HCN1: variants seen among roughly 807,000 people sequenced by gnomAD.
HCN1 encodes hyperpolarization activated cyclic nucleotide gated potassium channel 1.
Under a neutral mutation model 78.9 loss-of-function variants are expected in HCN1, and 13 were observed. The ratio of observed to expected loss-of-function variants is 0.16; its 90% CI spans 0.11 to 0.26. The LOEUF is 0.26. Among genes scored for constraint, HCN1 ranks in the 10% least tolerant of loss-of-function variants. HCN1 has a pLI of 1.00. For synonymous variants in HCN1, 552 were observed against 455.5 expected (o/e 1.21, Z -2.70); for missense variants, 810 against 1,154.3 (o/e 0.70, Z 4.32).
In HCN1 at chr5:45,372,152, AAT is replaced by A. The variant is rs1350226104; in HGVS notation, c.1231-18908_1231-18907del. 6.8e-5 allele frequency among the ~76,000 whole-genome samples: 4 copies of A among 58,512 alleles called. No homozygotes were observed. The East Asian group carries it at 2.2e-3, about 33-fold the overall frequency. The allele number at this position is 58,512 out of a possible 152,430, so 38.4% of individuals were successfully genotyped here. On this transcript the variant is annotated intron_variant, in intron 4 of 7. Transcript: ENST00000303230. ...TATATAATATAATAATATATTATAT[AAT>A]ATGTTATTATATATAATTATATTAT...
intron 5 of HCN1, among the ~76,000 whole-genome samples, chr5:45,308,181 C>T (rs1211349417): frequency 6.6e-6 from 1 of 152,056 alleles, no homozygotes; most frequent in Non-Finnish European, 1.5e-5. Context: ...GACATGCAGG[C>T]TCCCCTTCCC....
chr5:45,693,262 AT>A lies in HCN1; in HGVS notation c.425+2406del, dbSNP rs1412431091. 6.6e-5 allele frequency among the ~76,000 whole-genome samples: 10 copies of A among 152,362 alleles called. No homozygotes were observed. In the East Asian group the frequency reaches 1.4e-3, roughly 21 times the overall value. On this transcript the variant is annotated intron_variant, in intron 1 of 7. Transcript: ENST00000303230. The stretch of plus-strand genomic sequence containing the variant: ...ATTGGTTTTGAGATCATACAAAAAA[AT>A]GAAACAATAAGATGTAAATATATTC...
At chr5:45,396,798 A>G in intron 3 of HCN1, 88 bp from the exon 4 acceptor site, 1 of 960,710 alleles carries the variant, frequency 1.0e-6, no homozygotes, top group Non-Finnish European at 1.7e-6. Flanking sequence ...AAGCATTATA[A>G]AATACTGAAT....
chr5:45,364,483 C>T (rs1201456777), intron 4 of HCN1, among the ~76,000 whole-genome samples: 1 of 152,040 alleles, frequency 6.6e-6, no homozygotes, highest in Non-Finnish European at 1.5e-5. Context: ...GACTCGTAAG[C>T]CTGTCTTCCC....
At chr5:45,366,126 A>G (rs2111997826) in intron 4 of HCN1, among the ~76,000 whole-genome samples, 1 of 151,550 alleles carries the variant, frequency 6.6e-6, no homozygotes, top group African/African-American at 2.4e-5. Context: ...AAATATTTTG[A>G]AAATGTGGGT....
At chr5:45,601,271 T>C (rs971191368) in intron 2 of HCN1, among the ~76,000 whole-genome samples, 3 of 152,130 alleles carry the variant, frequency 2.0e-5, no homozygotes, top group Non-Finnish European at 4.4e-5. Flanking sequence ...TGAAGTGTTT[T>C]GTCACACAGT....
chr5:45,546,514 C>T (rs1233168438), intron 2 of HCN1, among the ~76,000 whole-genome samples: 3 of 151,878 alleles, frequency 2.0e-5, no homozygotes, highest in Non-Finnish European at 4.4e-5. Flanking sequence ...ATCTGTCTTT[C>T]TTTGCTTCAA....
intron 2 of HCN1, chr5:45,574,635 G>A (rs938482615): frequency 6.6e-6 from 1 of 152,132 alleles, no homozygotes; most frequent in African/African-American, 2.4e-5. Context: ...AGAAATGATT[G>A]AGCTTAGTGA....
At chr5:45,545,842 A>C (rs1743212441) in intron 2 of HCN1, among the ~76,000 whole-genome samples, 3 of 152,026 alleles carry the variant, frequency 2.0e-5, no homozygotes, top group South Asian at 4.1e-4. Context: ...TCACTCTGCT[A>C]GTAAAATATC....
chr5:45,685,406 G>C (rs547305010), intron 1 of HCN1, among the ~76,000 whole-genome samples: 153 of 152,254 alleles, frequency 1.0e-3, no homozygotes, highest in African/African-American at 3.4e-3. Context: ...AAATTTTGCA[G>C]AAACAGGATA....
chr5:45,644,250 A>C (rs1745505178), intron 2 of HCN1: 1 of 152,208 alleles, frequency 6.6e-6, no homozygotes, highest in Admixed American at 6.6e-5. Flanking sequence ...TATGACTTTC[A>C]TTAGTGTCGA....
At chr5:45,373,267 T>A (rs867701118) in intron 4 of HCN1, among the ~76,000 whole-genome samples, 40 of 116,192 alleles carry the variant, frequency 3.4e-4, no homozygotes, top group South Asian at 1.2e-3. Context: ...TATTATATAT[T>A]ATATATATTT....
intron 2 of HCN1, among the ~76,000 whole-genome samples, chr5:45,591,758 A>AT (rs1371690366): frequency 6.6e-6 from 1 of 152,056 alleles, no homozygotes; most frequent in Non-Finnish European, 1.5e-5. Context: ...TTCTCTTGAC[A>AT]TTGTCTTTCA....
chr5:45,409,351 T>G (rs1739984565), intron 3 of HCN1, among the ~76,000 whole-genome samples: 1 of 152,084 alleles, frequency 6.6e-6, no homozygotes, highest in South Asian at 2.1e-4. Context: ...CATGAAAAAT[T>G]TATTAAAATC....
intron 4 of HCN1, among the ~76,000 whole-genome samples, chr5:45,372,444 TA>T (rs1437318056): frequency 4.9e-5 from 6 of 122,774 alleles, no homozygotes; most frequent in Non-Finnish European, 9.5e-5. Flanking sequence ...TACTTATATA[TA>T]AAAATATATA....
chr5:45,505,280 A>G (rs1579937227), intron 2 of HCN1, among the ~76,000 whole-genome samples: 1 of 151,744 alleles, frequency 6.6e-6, no homozygotes, highest in Non-Finnish European at 1.5e-5. Context: ...ATTTTTGTAT[A>G]AGGTGTAAGA....
intron 1 of HCN1, among the ~76,000 whole-genome samples, chr5:45,658,140 G>A (rs1745815371): frequency 6.6e-6 from 1 of 152,134 alleles, no homozygotes; most frequent in African/African-American, 2.4e-5. Flanking sequence ...AATGGGGAAA[G>A]GATTCCTTAT....
At chr5:45,674,909 A>ATT (rs3038439) in intron 1 of HCN1, among the ~76,000 whole-genome samples, 8,444 of 151,680 alleles carry the variant, frequency 0.056, 309 homozygotes, top group East Asian at 0.15. Flanking sequence ...ACAAGACAAT[A>ATT]TCTCTATAAA....
At chr5:45,421,354 G>A (rs1178201186) in intron 3 of HCN1, among the ~76,000 whole-genome samples, 2 of 152,094 alleles carry the variant, frequency 1.3e-5, no homozygotes, top group East Asian at 1.9e-4. Flanking sequence ...GAGCCACCAC[G>A]CCCGGCCAGC....
Sources: allele counts gnomAD v4.1 joint callset (sites outside exome capture counted in the v4.1 genomes callset), GRCh38; gene constraint gnomAD v4.1.1; transcripts MANE v1.5; gene names NCBI Gene and HGNC (gene_info 2026-07-23, HGNC 2026-07-21).